BRCA2: variants seen among roughly 807,000 people sequenced by gnomAD.
BRCA2 encodes the protein breast cancer type 2 susceptibility protein.
A neutral mutation model predicts 276.7 loss-of-function variants in BRCA2; 203 were observed. The ratio of observed to expected loss-of-function variants is 0.73; its 90% confidence interval spans 0.65 to 0.82. The LOEUF (loss-of-function observed/expected upper bound fraction) is 0.82, where lower values mean the gene tolerates loss of function less well. BRCA2 is among the 40% of genes least tolerant of loss of function. BRCA2 has a pLI of 0.00. For synonymous variants in BRCA2, 1,289 were observed against 1,338.4 expected (o/e 0.96, Z 0.81); for missense variants, 3,920 against 3,915.0 (o/e 1.00, Z -0.03).
chr13:32,398,125 A>G (rs774042229), intron 26 of BRCA2, 37 bp from the exon 27 acceptor site: 2 of 1,575,510 alleles, frequency 1.3e-6, no homozygotes, highest in African/African-American at 1.4e-5. Flanking sequence ...ATGTTACTAC[A>G]TAATTATGAT....
rs41293495 is a variant in BRCA2, at chr13:32,339,977, T to G, written c.5622T>G (p.Ile1874Met). 3 of 1,611,178 alleles carry G rather than the reference T, an allele frequency of 1.9e-6. No individual in the cohort carries two copies. The highest frequency in any genetic ancestry group is 2.5e-6 in the Non-Finnish European group (3 of 1,179,094). ...TTACAGACAGTTTCAGTAAAGTAAT[T>G]AAGGAAAACAACGAGAATAAATCAA... ...DIFTDSFSKVIKENNENKSKI... is the reference protein window; with the variant it reads ...DIFTDSFSKVMKENNENKSKI... Residue 1874 changes from isoleucine (I) to methionine (M), a missense_variant, in exon 11 of 27, where the codon ATT (isoleucine) becomes ATG (methionine). Ile to Met is a conservative substitution (Grantham distance 10). This residue lies in a region of BRCA2 where 3,263 missense variants were observed against 3,156.9 expected (regional missense o/e 1.03). Transcript: ENST00000380152.
intron 4 of BRCA2, among the ~76,000 whole-genome samples, chr13:32,325,548 G>GTTTT (rs61508122): frequency 7.4e-6 from 1 of 136,006 alleles, no homozygotes; most frequent in Non-Finnish European, 1.6e-5. Context: ...TTTTTTTTTT[G>GTTTT]TTTTTTTTTT....
chr13:32,367,707 A>G (rs994454745), intron 18 of BRCA2, among the ~76,000 whole-genome samples: 3 of 151,860 alleles, frequency 2.0e-5, no homozygotes, highest in Non-Finnish European at 4.4e-5. Flanking sequence ...TGGTGGGAGG[A>G]TGACCTGAGC....
Position 32,339,000 on chromosome 13 carries a change from A to G in BRCA2, c.4645A>G (p.Lys1549Glu), listed in dbSNP as rs2072509841. The G allele has an allele frequency of 6.2e-7, 1 of 1,613,400 alleles. No homozygotes were observed. The highest frequency in any genetic ancestry group is 1.1e-5 in the South Asian group (1 of 90,888). The change falls in exon 11 of 27, where the codon AAA (lysine) becomes GAA (glutamate). Residue 1549 changes from lysine (K) to glutamate (E), a missense_variant. Lys to Glu is a moderately conservative substitution (Grantham distance 56, BLOSUM62 1). Coordinates refer to ENST00000380152, the MANE Select transcript of BRCA2 (RefSeq NM_000059.4). The part of the protein sequence containing the change: ...LDKVKNLFDE[K>E]EQGTSEITSF... ...CAAAGTGAAAAACCTTTTTGATGAA[A>G]AAGAGCAAGGTACTAGTGAAATCAC... is the stretch of plus-strand genomic sequence containing the variant.
At chr13:32,359,927 G>A (rs565040759) in intron 16 of BRCA2, among the ~76,000 whole-genome samples, 1 of 152,286 alleles carries the variant, frequency 6.6e-6, no homozygotes, top group South Asian at 2.1e-4. Context: ...CTGCCCTGAT[G>A]AGTCATACAT....
intron 2 of BRCA2, among the ~76,000 whole-genome samples, chr13:32,318,124 C>T (rs1374432516): frequency 2.6e-5 from 4 of 152,176 alleles, no homozygotes. Context: ...AATATAATGG[C>T]TACTAGTATT....
In BRCA2 at chr13:32,394,801, C is replaced by T. The variant is rs587781901; in HGVS notation, c.9369C>T (p.Ser3123=). The T allele has an allele frequency of 1.9e-6, 3 of 1,614,148 alleles. No individual in the cohort carries two copies. Among genetic ancestry groups the T allele is most frequent in the Non-Finnish European group, 2.5e-6 (3 of 1,180,006 alleles). The part of the protein sequence containing the change: ...IIKPHMLIAA[S]NLQWRPESKS... ...AGCCTCATATGTTAATTGCTGCAAGCAACCTCCAGTGGCGACCAGAATCCA... is the reference window on the plus strand; with the variant it reads ...AGCCTCATATGTTAATTGCTGCAAGTAACCTCCAGTGGCGACCAGAATCCA... Residue 3123 remains serine, a synonymous_variant, in exon 25 of 27, where the codon AGC becomes AGT. Transcript: ENST00000380152.
intron 13 of BRCA2, among the ~76,000 whole-genome samples, chr13:32,348,627 G>A (rs562549091): frequency 7.9e-5 from 12 of 152,284 alleles, no homozygotes; most frequent in South Asian, 6.2e-4. Flanking sequence ...TTTTTCAGAT[G>A]TGAAGTACTA....
intron 12 of BRCA2, among the ~76,000 whole-genome samples, chr13:32,345,591 G>A (rs1343216907): frequency 9.9e-5 from 15 of 151,968 alleles, no homozygotes; most frequent in Admixed American, 7.2e-4. Flanking sequence ...TATAGGTTGA[G>A]TATCCCTATC....
rs80358495 is a variant in BRCA2, at chr13:32,336,600, A to C, written c.2245A>C (p.Ser749Arg). 6.2e-7 allele frequency: 1 copy of C among 1,614,102 alleles called. No individual in the cohort carries two copies. The highest frequency in any genetic ancestry group is 2.2e-5 in the East Asian group (1 of 44,866). The change falls in exon 11 of 27, where the codon AGT becomes CGT. Residue 749 changes from serine (S) to arginine (R), a missense_variant. Ser to Arg is a moderately radical substitution (Grantham distance 110). Coordinates refer to ENST00000380152, the MANE Select transcript of BRCA2 (RefSeq NM_000059.4). ...AGTACAACATTCAAAAGTGGAATACAGTGATACTGACTTTCAATCCCAGAA... is the reference window on the plus strand; with the variant it reads ...AGTACAACATTCAAAAGTGGAATACCGTGATACTGACTTTCAATCCCAGAA... ...HPVQHSKVEYSDTDFQSQKSL... is the reference protein window; with the variant it reads ...HPVQHSKVEYRDTDFQSQKSL...
At chr13:32,348,773 A>T (rs1206075258) in intron 13 of BRCA2, among the ~76,000 whole-genome samples, 1 of 152,232 alleles carries the variant, frequency 6.6e-6, no homozygotes, top group Non-Finnish European at 1.5e-5. Flanking sequence ...ATGATATTGA[A>T]GGGAGATCCC....
rs397507357 is a variant in BRCA2 at position 32,339,985 on chromosome 13, AC to A, written c.5631del (p.Asn1877LysfsTer32). 1 of 1,611,678 alleles carries A rather than the reference AC, an allele frequency of 6.2e-7. No homozygotes were observed. The highest frequency in any genetic ancestry group is 1.7e-5 in the Admixed American group (1 of 59,570). ...TDSFSKVIKE[N>X]NENKSKICQT... ...AGTTTCAGTAAAGTAATTAAGGAAA[AC>A]AACGAGAATAAATCAAAAATTTGCC... On this transcript the variant is annotated frameshift_variant, in exon 11 of 27. Transcript: ENST00000380152. LOFTEE classifies it high-confidence loss of function.
chr13:32,343,618 T>C (rs1049152527), intron 11 of BRCA2, among the ~76,000 whole-genome samples: 7 of 152,306 alleles, frequency 4.6e-5, no homozygotes, highest in African/African-American at 1.4e-4. Context: ...CTTAAAGATA[T>C]TTGTAATTCT....
In BRCA2 at chr13:32,332,586, G is replaced by A. The variant is rs2137467717; in HGVS notation, c.1108G>A (p.Val370Ile). Residue 370 changes from valine to isoleucine, a missense_variant, in exon 10 of 27, where the codon GTA becomes ATA. By Grantham distance (29) the Val-to-Ile change is conservative (BLOSUM62 3). This residue lies in a region of BRCA2 where 3,263 missense variants were observed against 3,156.9 expected (regional missense o/e 1.03). Transcript: ENST00000380152. The part of the protein sequence containing the change: ...PNDTDPLDSN[V>I]ANQKPFESGS... ...TGATACTGATCCATTAGATTCAAAT[G>A]TAGCAAATCAGAAGCCCTTTGAGAG... The A allele has an allele frequency of 6.2e-7, 1 of 1,613,666 alleles. No homozygotes were observed.
intron 24 of BRCA2, chr13:32,384,863 C>A: frequency 3.5e-6 from 1 of 288,126 alleles, no homozygotes; most frequent in South Asian, 7.5e-5. Flanking sequence ...CCCGAAAGGC[C>A]AGAATGAGGA....
intron 13 of BRCA2, among the ~76,000 whole-genome samples, chr13:32,347,753 T>C (rs1357896782): frequency 6.6e-6 from 1 of 152,132 alleles, no homozygotes; most frequent in Non-Finnish European, 1.5e-5. Context: ...TCCTAGGGAA[T>C]ATGCCTGACC....
In BRCA2 at chr13:32,326,353, C is replaced by G. The variant is rs551045508; in HGVS notation, c.516+71C>G. The G allele has an allele frequency of 9.7e-6, 15 of 1,543,368 alleles. No homozygotes were observed. The South Asian group carries it at 1.5e-4, about 15-fold the overall frequency. On this transcript the variant is annotated intron_variant, in intron 6 of 26. Transcript: ENST00000380152. ...TTTGACAATAGCGTTATACCTTTGCCCTGAGATTTACAAATCTGTACCTAG... is the reference window on the plus strand; with the variant it reads ...TTTGACAATAGCGTTATACCTTTGCGCTGAGATTTACAAATCTGTACCTAG...
chr13:32,388,000 GGTCCAGCT>G (rs1207878865), intron 24 of BRCA2, among the ~76,000 whole-genome samples: 2 of 152,012 alleles, frequency 1.3e-5, no homozygotes, highest in African/African-American at 4.8e-5. Flanking sequence ...TGGTCCCCTG[GGTCCAGCT>G]GTTTTCTCTT....
rs2072427187 is a variant in BRCA2, at chr13:32,333,576, G to A, written c.1909+189G>A. On this transcript the variant is annotated intron_variant, in intron 10 of 26. Transcript: ENST00000380152. ...CAGGTCACTCAAACATGGTAGATAAGTTTGCATAGTTTGTGTATATCCATC... is the reference window on the plus strand; with the variant it reads ...CAGGTCACTCAAACATGGTAGATAAATTTGCATAGTTTGTGTATATCCATC... Among the ~76,000 whole-genome samples the A allele has an allele frequency of 2.0e-5, 3 of 152,238 alleles. No individual in the cohort carries two copies. In the South Asian group the frequency reaches 6.2e-4, roughly 32 times the overall value.
Sources: gnomAD v4.1 joint callset for allele counts (sites outside exome capture counted in the v4.1 genomes callset) on GRCh38, gnomAD v4.1.1 for gene constraint, gnomAD v4.1.1 regional missense constraint, MANE v1.5 for transcripts, NCBI Gene and HGNC (gene_info 2026-07-23, HGNC 2026-07-21) for gene names.